Variants in FARS2 observed in about 807,000 individuals in gnomAD.
FARS2 encodes phenylalanyl-tRNA synthetase 2, mitochondrial, also known as phenylalanine--tRNA ligase, mitochondrial.
Under a neutral mutation model 46.4 loss-of-function variants are expected in FARS2, and 40 were observed. The ratio of observed to expected loss-of-function variants is 0.86; its 90% CI spans 0.67 to 1.12. The LOEUF (loss-of-function observed/expected upper bound fraction) is 1.12. FARS2 is among the 50% of genes most tolerant of loss of function. The pLI, the probability that FARS2 is intolerant of heterozygous loss-of-function variation, is 0.00. For synonymous variants in FARS2, 234 were observed against 214.9 expected, an observed-to-expected ratio of 1.09 and a Z score of -0.78; for missense variants, 513 against 567.9, an observed-to-expected ratio of 0.90 and a Z score of 0.98.
At chr6:5,318,831 G>A (rs973922364) in intron 1 of FARS2, among the ~76,000 whole-genome samples, 2 of 152,042 alleles carry the variant, frequency 1.3e-5, no homozygotes, top group African/African-American at 4.8e-5. Context: ...CCAATCAGAG[G>A]TACTTTCATT....
At chr6:5,367,918 A>G (rs1758783772) in intron 1 of FARS2, among the ~76,000 whole-genome samples, 1 of 152,190 alleles carries the variant, frequency 6.6e-6, no homozygotes, top group Non-Finnish European at 1.5e-5. Context: ...TATTAAAGTT[A>G]ACCACAATCT....
chr6:5,505,718 C>A (rs1768060523), intron 4 of FARS2, among the ~76,000 whole-genome samples: 1 of 152,154 alleles, frequency 6.6e-6, no homozygotes, highest in South Asian at 2.1e-4. Flanking sequence ...ATTGAACAAT[C>A]ATGTTTCTCA....
intron 4 of FARS2, chr6:5,452,028 AG>A (rs1183148696): frequency 5.3e-5 from 8 of 152,222 alleles, no homozygotes; most frequent in African/African-American, 1.9e-4. Flanking sequence ...ACCTCCTTGA[AG>A]GTAGGACCAT....
intron 6 of FARS2, among the ~76,000 whole-genome samples, chr6:5,707,059 C>T (rs983386109): frequency 1.8e-4 from 27 of 152,206 alleles, no homozygotes; most frequent in African/African-American, 6.3e-4. Flanking sequence ...CTTGCTCTCA[C>T]TCACTTCTAT....
At chr6:5,257,426 C>T (rs1225177362), upstream of FARS2, among the ~76,000 whole-genome samples, 1 of 152,220 alleles carries the variant, frequency 6.6e-6, no homozygotes, top group Non-Finnish European at 1.5e-5. Flanking sequence ...ACAACTATCT[C>T]TGTACCTGTG....
At chr6:5,484,670 G>A (rs1003764485) in intron 4 of FARS2, among the ~76,000 whole-genome samples, 1 of 152,220 alleles carries the variant, frequency 6.6e-6, no homozygotes, top group South Asian at 2.1e-4. Context: ...GGGTGAAAAA[G>A]AAAAGGATAG....
chr6:5,548,051 C>T (rs1200187135), intron 5 of FARS2, among the ~76,000 whole-genome samples: 1 of 152,150 alleles, frequency 6.6e-6, no homozygotes, highest in Non-Finnish European at 1.5e-5. Flanking sequence ...AAAGGCACTT[C>T]TTACATGGCA....
intron 6 of FARS2, among the ~76,000 whole-genome samples, chr6:5,673,140 G>A (rs547110321): frequency 3.3e-5 from 5 of 152,272 alleles, no homozygotes; most frequent in East Asian, 3.9e-4. Context: ...TAGAATATGC[G>A]GTCCCTACCC....
At chr6:5,429,678 A>G (rs1763051865) in intron 3 of FARS2, among the ~76,000 whole-genome samples, 1 of 152,106 alleles carries the variant, frequency 6.6e-6, no homozygotes. Context: ...AGGCATGATG[A>G]CGCGTGCTTG....
At chr6:5,744,098 T>A (rs931925465) in intron 6 of FARS2, among the ~76,000 whole-genome samples, 75 of 152,134 alleles carry the variant, frequency 4.9e-4, no homozygotes, top group African/African-American at 1.7e-3. Context: ...AACAGTGGTT[T>A]GTGAGGGGAA....
upstream of FARS2, chr6:5,261,051 G>T: frequency 1.3e-6 from 1 of 760,526 alleles, no homozygotes; most frequent in Non-Finnish European, 1.7e-6. Context: ...TCCACGCGGC[G>T]GGAGGGCGGG....
At chr6:5,372,118 A>G (rs1759099448) in intron 2 of FARS2, among the ~76,000 whole-genome samples, 1 of 152,160 alleles carries the variant, frequency 6.6e-6, no homozygotes, top group Non-Finnish European at 1.5e-5. Flanking sequence ...AAGAATTTTT[A>G]TGTATTCAAC....
intron 6 of FARS2, among the ~76,000 whole-genome samples, chr6:5,717,931 T>TAGAGAGAGAGAGAGAGAG (rs1175182131): frequency 0.05 from 5,941 of 118,398 alleles, 222 homozygotes; most frequent in South Asian, 0.07. Context: ...TATATATATA[T>TAGAGAGAGAGAGAGAGAG]ATATACAGAG....
At chr6:5,752,848 G>C (rs1762022417) in intron 6 of FARS2, among the ~76,000 whole-genome samples, 1 of 151,938 alleles carries the variant, frequency 6.6e-6, no homozygotes, top group South Asian at 2.1e-4. Context: ...CAAACCTCCT[G>C]ACACCCCACG....
intron 6 of FARS2, among the ~76,000 whole-genome samples, chr6:5,718,975 C>A (rs1759696548): frequency 6.6e-6 from 1 of 152,294 alleles, no homozygotes; most frequent in Middle Eastern, 3.4e-3. Flanking sequence ...CCACTTTGAG[C>A]CTGAGTGCTT....
chr6:5,329,848 A>G (rs1008207191), intron 1 of FARS2, among the ~76,000 whole-genome samples: 5 of 152,188 alleles, frequency 3.3e-5, no homozygotes, highest in African/African-American at 1.2e-4. Context: ...ACCAGCCAAG[A>G]TGTTTTCTCA....
In FARS2 at chr6:5,641,698, T is replaced by C. The variant is rs1463355113; in HGVS notation, c.1217+28378T>C. On this transcript the variant is annotated intron_variant, in intron 6 of 6. Transcript: ENST00000274680. Reference sequence around the variant, plus strand: ...TTGATGTCAGCCCTTTGAGCTAATATAGAAGATGTTTGCATACCCCAAATT... The same window carrying C: ...TTGATGTCAGCCCTTTGAGCTAATACAGAAGATGTTTGCATACCCCAAATT... Among the ~76,000 whole-genome samples, 3 of 152,214 alleles carry C rather than the reference T, an allele frequency of 2.0e-5. No individual in the cohort carries two copies. The East Asian group carries it at 5.8e-4, about 29-fold the overall frequency.
intron 4 of FARS2, among the ~76,000 whole-genome samples, chr6:5,536,098 C>T (rs1770178330): frequency 6.8e-6 from 1 of 146,180 alleles, no homozygotes; most frequent in South Asian, 2.1e-4. Flanking sequence ...GTCGCCCAGG[C>T]TGGAGCACAG....
intron 4 of FARS2, among the ~76,000 whole-genome samples, chr6:5,457,316 C>T (rs1764954160): frequency 6.6e-6 from 1 of 152,220 alleles, no homozygotes; most frequent in African/African-American, 2.4e-5. Context: ...TGCCAGCACC[C>T]TGTCACCCAA....
Sources: allele counts gnomAD v4.1 joint callset (sites outside exome capture counted in the v4.1 genomes callset), GRCh38; gene constraint gnomAD v4.1.1; transcripts MANE v1.5; gene names NCBI Gene and HGNC (gene_info 2026-07-23, HGNC 2026-07-21).